SEMA3A: variants seen among roughly 807,000 people sequenced by gnomAD.
SEMA3A encodes the protein semaphorin 3A.
SEMA3A carries 29 observed loss-of-function variants against 97.9 expected under a neutral mutation model. That is an observed-to-expected ratio of 0.30 (90% confidence interval 0.22 to 0.40). The LOEUF (loss-of-function observed/expected upper bound fraction) is 0.40, where lower values mean the gene tolerates loss of function less well. Ranked by LOEUF, SEMA3A falls within the 10% of genes least tolerant of loss-of-function variation. The pLI, the probability that SEMA3A is intolerant of heterozygous loss-of-function variation, is 1.00. For missense variants in SEMA3A, 763 were observed against 951.3 expected (o/e 0.80, Z 2.60); for synonymous variants, 321 against 323.7 (o/e 0.99, Z 0.09).
At chr7:84,136,446 C>T (rs1016594096) in intron 1 of SEMA3A, among the ~76,000 whole-genome samples, 1 of 152,144 alleles carries the variant, frequency 6.6e-6, no homozygotes, top group Admixed American at 6.5e-5. Context: ...TATCCCAGTA[C>T]TTCTCATGTC....
chr7:84,018,096 C>G (rs1373838292), intron 6 of SEMA3A, among the ~76,000 whole-genome samples: 2 of 152,002 alleles, frequency 1.3e-5, no homozygotes, highest in Non-Finnish European at 2.9e-5. Flanking sequence ...TTTAAAGCAC[C>G]CTGCTCTTCG....
At chr7:84,095,537 A>G (rs986631458) in intron 4 of SEMA3A, among the ~76,000 whole-genome samples, 4 of 150,486 alleles carry the variant, frequency 2.7e-5, no homozygotes, top group Non-Finnish European at 5.9e-5. Flanking sequence ...AACTTGGCTT[A>G]TGCATTTTAT....
chr7:84,250,810 A>G (rs565519379), intron 3 of SEMA3A, among the ~76,000 whole-genome samples: 4 of 152,346 alleles, frequency 2.6e-5, no homozygotes, highest in Admixed American at 2.6e-4. Context: ...TTATTTTTAA[A>G]ATACAGTTAT....
rs1225654258 is a variant in SEMA3A at position 84,061,943 on chromosome 7, G to A, written c.454-1385C>T. Among the ~76,000 whole-genome samples, 5 of 152,092 alleles carry A rather than the reference G, an allele frequency of 3.3e-5. No homozygotes were observed. The East Asian group carries it at 9.6e-4, about 29-fold the overall frequency. ...TCACAGAATTGTACTAAGTTATAGTGGAAAACGCAATGAGCCAGGCACCAG... is the reference window on the plus strand; with the variant it reads ...TCACAGAATTGTACTAAGTTATAGTAGAAAACGCAATGAGCCAGGCACCAG... On this transcript the variant is annotated intron_variant, in intron 4 of 16. Transcript: ENST00000265362.
Position 84,146,113 on chromosome 7 carries a change from T to G in SEMA3A, c.113-11162A>C, listed in dbSNP as rs750542540. ...ATCTATCCTTCGATGGATGCCTCAC[T>G]GTGCTTTCATTATAACACACAGTCA... On this transcript the variant is annotated intron_variant, in intron 1 of 16. Transcript: ENST00000265362. Among the ~76,000 whole-genome samples the G allele has an allele frequency of 7.6e-4, 116 of 152,356 alleles. 1 individual carries two copies. The highest frequency in any genetic ancestry group is 1.1e-3 in the Non-Finnish European group (77 of 68,034).
chr7:84,048,899 T>C (rs1792473354), intron 5 of SEMA3A, among the ~76,000 whole-genome samples: 1 of 152,116 alleles, frequency 6.6e-6, no homozygotes, highest in South Asian at 2.1e-4. Context: ...AATCAACAAC[T>C]AAAAACTATT....
chr7:84,155,382 A>T (rs746699807), intron 1 of SEMA3A, among the ~76,000 whole-genome samples: 1 of 152,050 alleles, frequency 6.6e-6, no homozygotes, highest in Non-Finnish European at 1.5e-5. Flanking sequence ...CAAACTCTAT[A>T]CTTTACTAGT....
At chr7:84,458,348 A>AAACATCTTCATTT (rs1016758918) in intron 1 of SEMA3A, among the ~76,000 whole-genome samples, 2 of 152,090 alleles carry the variant, frequency 1.3e-5, no homozygotes, top group Admixed American at 1.3e-4. Flanking sequence ...TCATGTTCAA[A>AAACATCTTCATTT]AACATCTTCA....
chr7:84,072,581 T>C (rs1793780970), intron 4 of SEMA3A, among the ~76,000 whole-genome samples: 1 of 152,166 alleles, frequency 6.6e-6, no homozygotes, highest in South Asian at 2.1e-4. Flanking sequence ...TGCTAATTTA[T>C]GTAAGTCTTT....
At chr7:84,412,923 A>AAC (rs369793285) in intron 1 of SEMA3A, among the ~76,000 whole-genome samples, 1 of 151,660 alleles carries the variant, frequency 6.6e-6, no homozygotes, top group Non-Finnish European at 1.5e-5. Context: ...TTCCTTCCAA[A>AAC]ACACACACAC....
At chr7:84,482,834 A>G (rs1040748640) in intron 1 of SEMA3A, among the ~76,000 whole-genome samples, 4 of 151,586 alleles carry the variant, frequency 2.6e-5, no homozygotes, top group African/African-American at 9.7e-5. Context: ...TATTTATTTC[A>G]AAAAGTTACA....
upstream of SEMA3A, among the ~76,000 whole-genome samples, chr7:84,199,467 C>T (rs1798305851): frequency 6.6e-6 from 1 of 151,996 alleles, no homozygotes; most frequent in Non-Finnish European, 1.5e-5. Flanking sequence ...AAAGAGGAAA[C>T]CAGTACTAAA....
At chr7:84,185,055 G>C (rs1335793816) in intron 1 of SEMA3A, among the ~76,000 whole-genome samples, 1 of 151,866 alleles carries the variant, frequency 6.6e-6, no homozygotes, top group Non-Finnish European at 1.5e-5. Context: ...TCTAATAACT[G>C]GTGTTTTAAT....
chr7:84,122,652 G>A (rs528433804), intron 3 of SEMA3A, among the ~76,000 whole-genome samples: 58 of 152,178 alleles, frequency 3.8e-4, no homozygotes, highest in African/African-American at 1.3e-3. Context: ...TTAAAAAATT[G>A]AAAGTTCATG....
intron 6 of SEMA3A, among the ~76,000 whole-genome samples, chr7:84,042,357 A>G (rs771930466): frequency 1.3e-5 from 2 of 152,054 alleles, no homozygotes; most frequent in Non-Finnish European, 2.9e-5. Context: ...TCCTGAAATG[A>G]GTGGGAAGGC....
intron 1 of SEMA3A, among the ~76,000 whole-genome samples, chr7:84,406,650 C>A (rs989975866): frequency 6.6e-6 from 1 of 152,208 alleles, no homozygotes; most frequent in South Asian, 2.1e-4. Flanking sequence ...CAAAAATCCT[C>A]AATAAAATAC....
chr7:84,331,524 G>A (rs1801908395), intron 2 of SEMA3A, among the ~76,000 whole-genome samples: 1 of 151,990 alleles, frequency 6.6e-6, no homozygotes, highest in Non-Finnish European at 1.5e-5. Context: ...GCAGTTTGTG[G>A]TTTTATATGC....
At chr7:84,325,112 T>C (rs1045453916) in intron 2 of SEMA3A, among the ~76,000 whole-genome samples, 12 of 147,292 alleles carry the variant, frequency 8.1e-5, no homozygotes. Context: ...GGAGAATGTA[T>C]ATATCTCTAT....
intron 6 of SEMA3A, among the ~76,000 whole-genome samples, chr7:84,026,223 C>T (rs77514448): frequency 0.041 from 6,269 of 152,152 alleles, 143 homozygotes; most frequent in Middle Eastern, 0.092. Context: ...CAACTCTGTA[C>T]CTTAAATCAA....
Sources: gnomAD v4.1 joint callset for allele counts (sites outside exome capture counted in the v4.1 genomes callset) on GRCh38, gnomAD v4.1.1 for gene constraint, MANE v1.5 for transcripts, NCBI Gene and HGNC (gene_info 2026-07-23, HGNC 2026-07-21) for gene names.